P4HA1: variants seen among roughly 807,000 people sequenced by gnomAD.
P4HA1 encodes prolyl 4-hydroxylase subunit alpha-1.
In P4HA1, 24 loss-of-function variants were observed where a neutral mutation model predicts 72.8. The observed-to-expected ratio is 0.33, with a 90% CI of 0.24 to 0.46. The LOEUF (loss-of-function observed/expected upper bound fraction) is 0.46. Among genes scored for constraint, P4HA1 ranks in the 20% least tolerant of loss-of-function variants. The pLI, the probability that P4HA1 is intolerant of heterozygous loss-of-function variation, is 1.00. For synonymous variants in P4HA1, 201 were observed against 218.8 expected, an observed-to-expected ratio of 0.92 and a Z score of 0.72; for missense variants, 446 against 640.6, an observed-to-expected ratio of 0.70 and a Z score of 3.28.
chr10:73,012,074 TAATC>T (rs1464512577), intron 12 of P4HA1, among the ~76,000 whole-genome samples: 1 of 152,094 alleles, frequency 6.6e-6, no homozygotes, highest in Non-Finnish European at 1.5e-5. Flanking sequence ...GAAAAAATGA[TAATC>T]AATTAAAATG....
intron 7 of P4HA1, among the ~76,000 whole-genome samples, chr10:73,047,997 A>C (rs1015238030): frequency 6.6e-5 from 10 of 152,206 alleles, no homozygotes; most frequent in African/African-American, 2.4e-4. Context: ...GGTTGCAGTG[A>C]GCCATGATCA....
chr10:73,068,031 T>C (rs1384294840), intron 5 of P4HA1, among the ~76,000 whole-genome samples: 2 of 152,214 alleles, frequency 1.3e-5, no homozygotes, highest in East Asian at 3.8e-4. Flanking sequence ...TGTATAATAT[T>C]AGTAGAAACT....
At chr10:73,057,016 C>T (rs1356626393) in intron 5 of P4HA1, among the ~76,000 whole-genome samples, 5 of 149,218 alleles carry the variant, frequency 3.4e-5, no homozygotes, top group African/African-American at 9.9e-5. Flanking sequence ...GCCAAGATCA[C>T]GCCACTGCAC....
intron 1 of P4HA1, among the ~76,000 whole-genome samples, chr10:73,085,919 G>C (rs1315269491): frequency 6.6e-6 from 1 of 152,128 alleles, no homozygotes; most frequent in Non-Finnish European, 1.5e-5. Flanking sequence ...CTGGAGTCTA[G>C]GAGTTTGAGC....
At chr10:73,036,604 C>T (rs1449674626) in intron 9 of P4HA1, among the ~76,000 whole-genome samples, 1 of 152,046 alleles carries the variant, frequency 6.6e-6, no homozygotes, top group Non-Finnish European at 1.5e-5. Context: ...CACCATGTTG[C>T]CCAGGCTGGT....
chr10:73,076,494 A>G (rs1841700417), intron 1 of P4HA1, among the ~76,000 whole-genome samples: 1 of 152,128 alleles, frequency 6.6e-6, no homozygotes, highest in Non-Finnish European at 1.5e-5. Context: ...TGTAAAAAAA[A>G]ACTTAGCCTA....
intron 1 of P4HA1, among the ~76,000 whole-genome samples, chr10:73,077,728 C>G (rs1841731370): frequency 1.3e-5 from 2 of 151,828 alleles, no homozygotes; most frequent in African/African-American, 4.8e-5. Flanking sequence ...CACCTGTAAT[C>G]CCAGTACTTT....
chr10:73,053,106 A>G (rs1458980934), intron 6 of P4HA1, among the ~76,000 whole-genome samples: 1 of 152,210 alleles, frequency 6.6e-6, no homozygotes, highest in African/African-American at 2.4e-5. Flanking sequence ...GTTAGCTTCA[A>G]TTTTGAAATT....
At chr10:73,031,534 C>T (rs1021163859) in intron 9 of P4HA1, among the ~76,000 whole-genome samples, 2 of 151,724 alleles carry the variant, frequency 1.3e-5, no homozygotes, top group Non-Finnish European at 2.9e-5. Context: ...TCAAAGAAGC[C>T]AGATACAAAG....
intron 4 of P4HA1, among the ~76,000 whole-genome samples, chr10:73,071,089 G>A (rs530963600): frequency 2.9e-4 from 44 of 151,978 alleles, no homozygotes; most frequent in African/African-American, 1.0e-3. Context: ...AGGAGGCTGA[G>A]GTGGGAGGAT....
At chr10:73,019,545 A>G (rs1275652714) in intron 10 of P4HA1, among the ~76,000 whole-genome samples, 2 of 152,082 alleles carry the variant, frequency 1.3e-5, no homozygotes, top group Non-Finnish European at 2.9e-5. Flanking sequence ...TCATGATATG[A>G]ATCAGAATTT....
intron 9 of P4HA1, 81 bp from the exon 10 acceptor site, chr10:73,030,451 T>G (rs1274042378): frequency 1.1e-5 from 7 of 609,230 alleles, no homozygotes; most frequent in Non-Finnish European, 1.9e-5. Flanking sequence ...AAAGCCATAA[T>G]ATTTAATATA....
At position 73,053,568 on chromosome 10, in the gene P4HA1, T is replaced by C. The variant is rs558597798; in HGVS notation, c.486A>G (p.Leu162=). 7 of 1,613,892 alleles carry C rather than the reference T, an allele frequency of 4.3e-6. No homozygotes were observed. In the African/African-American group the frequency reaches 6.7e-5, roughly 15 times the overall value. ...NLPGVKHKSF[L]TAEDCFELGK... ...CCAACTCAAAGCAGTCCTCAGCCGT[T>C]AGAAAAGATTTGTGTTTCACTCCTA... is the stretch of plus-strand genomic sequence containing the variant. Residue 162 remains leucine, a synonymous_variant, in exon 6 of 15, where the codon CTA becomes CTG. Coordinates refer to ENST00000394890, the MANE Select transcript of P4HA1 (RefSeq NM_001017962.3).
intron 11 of P4HA1, among the ~76,000 whole-genome samples, 172 bp from the exon 12 acceptor site, chr10:73,014,461 T>C (rs929689120): frequency 8.5e-5 from 13 of 152,306 alleles, no homozygotes; most frequent in Admixed American, 3.9e-4. Flanking sequence ...TTTTGTAAGA[T>C]GGAGTCTTGC....
At chr10:73,068,738 C>A in intron 5 of P4HA1, 108 bp downstream of exon 5, 1 of 910,892 alleles carries the variant, frequency 1.1e-6, no homozygotes, top group Non-Finnish European at 1.7e-6. Flanking sequence ...AAACAAACTA[C>A]AATTTAAAAT....
chr10:73,084,045 A>G (rs1450402230), intron 1 of P4HA1, among the ~76,000 whole-genome samples: 2 of 152,246 alleles, frequency 1.3e-5, no homozygotes, highest in Non-Finnish European at 2.9e-5. Flanking sequence ...GATGAATTCC[A>G]CAGCTCTGCT....
chr10:73,079,254 G>A (rs777091461), intron 1 of P4HA1, among the ~76,000 whole-genome samples: 6 of 152,038 alleles, frequency 3.9e-5, no homozygotes, highest in Non-Finnish European at 8.8e-5. Flanking sequence ...CCAGGAGTTC[G>A]AAACCAGCCC....
In P4HA1 at chr10:73,016,388, A is replaced by G. The variant is rs372496733; in HGVS notation, c.1302+458T>C. On this transcript the variant is annotated intron_variant, in intron 11 of 14. Transcript: ENST00000394890. ...CTCCCTTACTGCAAAATCCCACTGCATTTGCAGTGGTCCCTATACCTATCG... is the reference window on the plus strand; with the variant it reads ...CTCCCTTACTGCAAAATCCCACTGCGTTTGCAGTGGTCCCTATACCTATCG... Among the ~76,000 whole-genome samples, 9 of 152,324 alleles carry G rather than the reference A, an allele frequency of 5.9e-5. No individual in the cohort carries two copies. The South Asian group carries it at 1.7e-3, about 28-fold the overall frequency.
At position 73,082,939 on chromosome 10, in the gene P4HA1, C is replaced by G. The variant is rs1001601987; in HGVS notation, c.-32-8024G>C. ...ATAGAACATTTAAGAGTCAAGTATC[C>G]CAAAAGACATTATGACTTTATCAAA... is the stretch of plus-strand genomic sequence containing the variant. On this transcript the variant is annotated intron_variant, in intron 1 of 14. Transcript: ENST00000394890. Among the ~76,000 whole-genome samples, 3 of 58,894 alleles carry G rather than the reference C, an allele frequency of 5.1e-5. 1 individual carries two copies. Among genetic ancestry groups the G allele is most frequent in the South Asian group, 1.7e-3 (2 of 1,148 alleles). 38.6% of individuals were successfully genotyped at this position (58,894 alleles called of 152,430 possible).
Sources: allele counts gnomAD v4.1 joint callset (sites outside exome capture counted in the v4.1 genomes callset), GRCh38; gene constraint gnomAD v4.1.1; transcripts MANE v1.5; gene names NCBI Gene and HGNC (gene_info 2026-07-23, HGNC 2026-07-21).